The following ZNF679 variants were observed in gnomAD, a reference collection of about 807,000 sequenced individuals.
The protein encoded by ZNF679 is hypothetical protein MGC42415.
In ZNF679, 10 loss-of-function variants were observed where a neutral mutation model predicts 13.4. The ratio of observed to expected loss-of-function variants is 0.75; its 90% CI spans 0.46 to 1.27. The LOEUF is 1.27. Ranked by LOEUF, ZNF679 falls within the 50% of genes most tolerant of loss-of-function variation. The pLI, the probability that ZNF679 is intolerant of heterozygous loss-of-function variation, is 0.00. For missense variants in ZNF679, 525 were observed against 477.8 expected, an observed-to-expected ratio of 1.10 and a Z score of -0.92; for synonymous variants, 179 against 162.5, an observed-to-expected ratio of 1.10 and a Z score of -0.77.
intron 1 of ZNF679, among the ~76,000 whole-genome samples, chr7:64,235,747 C>A: frequency 6.6e-6 from 1 of 151,434 alleles, no homozygotes; most frequent in Non-Finnish European, 1.5e-5. Context: ...CGAGATCATG[C>A]CACTGCACTC....
intron 1 of ZNF679, among the ~76,000 whole-genome samples, chr7:64,232,671 T>G (rs1238665415): frequency 6.6e-6 from 1 of 152,058 alleles, no homozygotes; most frequent in African/African-American, 2.4e-5. Flanking sequence ...GTCATATTAT[T>G]TGGGTGCTGG....
At chr7:64,251,535 G>T (rs144926374) in intron 2 of ZNF679, among the ~76,000 whole-genome samples, 30 of 152,078 alleles carry the variant, frequency 2.0e-4, no homozygotes, top group African/African-American at 6.8e-4. Context: ...CTCTTCTTTT[G>T]TCTTGTTCAA....
intron 1 of ZNF679, among the ~76,000 whole-genome samples, chr7:64,235,495 CA>C (rs139370986): frequency 0.039 from 5,849 of 150,710 alleles, 193 homozygotes; most frequent in East Asian, 0.16. Flanking sequence ...ATTAGCATAA[CA>C]AAAAAAAATA....
chr7:64,240,633 A>C (rs11978020), intron 1 of ZNF679, among the ~76,000 whole-genome samples: 1 of 152,028 alleles, frequency 6.6e-6, no homozygotes, highest in Non-Finnish European at 1.5e-5. Context: ...AATCTCACAC[A>C]TAAATGCAAT....
At chr7:64,229,834 C>T (rs1166333271) in intron 1 of ZNF679, among the ~76,000 whole-genome samples, 1 of 152,076 alleles carries the variant, frequency 6.6e-6, no homozygotes, top group Non-Finnish European at 1.5e-5. Context: ...GTAAAACAGT[C>T]ATATCATCTG....
At chr7:64,231,835 C>A (rs1165433424) in intron 1 of ZNF679, among the ~76,000 whole-genome samples, 1 of 151,986 alleles carries the variant, frequency 6.6e-6, no homozygotes, top group Non-Finnish European at 1.5e-5. Context: ...TAAAAGCAGT[C>A]AGGTGCTAGG....
intron 1 of ZNF679, among the ~76,000 whole-genome samples, chr7:64,231,669 C>G (rs988377754): frequency 1.3e-5 from 2 of 151,952 alleles, no homozygotes; most frequent in Non-Finnish European, 2.9e-5. Context: ...ATAAGTTGAG[C>G]CTAGAAAGAA....
intron 2 of ZNF679, among the ~76,000 whole-genome samples, chr7:64,255,757 T>C (rs1787997238): frequency 6.6e-6 from 1 of 151,950 alleles, no homozygotes; most frequent in Non-Finnish European, 1.5e-5. Flanking sequence ...TATAGGTGCA[T>C]GCCACCACAC....
At chr7:64,264,450 G>A (rs1788118506) in intron 4 of ZNF679, among the ~76,000 whole-genome samples, 1 of 151,796 alleles carries the variant, frequency 6.6e-6, no homozygotes, top group South Asian at 2.1e-4. Context: ...TTTTGTATAT[G>A]CATATGTTTT....
intron 2 of ZNF679, among the ~76,000 whole-genome samples, chr7:64,251,277 C>A (rs530592377): frequency 6.6e-5 from 10 of 152,098 alleles, no homozygotes; most frequent in Admixed American, 2.6e-4. Flanking sequence ...CATGATGAAA[C>A]CCCATCTCTA....
chr7:64,255,647 C>T (rs529494072), intron 2 of ZNF679, among the ~76,000 whole-genome samples: 48 of 151,424 alleles, frequency 3.2e-4, no homozygotes, highest in Non-Finnish European at 5.3e-4. Flanking sequence ...CTTGCTCTGT[C>T]ACCCAGGCTG....
chr7:64,236,336 T>TA (rs1179647599), intron 1 of ZNF679, among the ~76,000 whole-genome samples: 1 of 152,146 alleles, frequency 6.6e-6, no homozygotes, highest in Non-Finnish European at 1.5e-5. Context: ...TATTTACGCT[T>TA]ACAATAAGCA....
intron 2 of ZNF679, among the ~76,000 whole-genome samples, chr7:64,257,909 G>A (rs1315754870): frequency 1.3e-5 from 2 of 152,138 alleles, no homozygotes; most frequent in African/African-American, 2.4e-5. Flanking sequence ...ACCCTTTTGG[G>A]TCCTGCAGAA....
rs149077771 is a variant in ZNF679, at chr7:64,266,298, A to G, written c.665A>G (p.Asn222Ser). 9 of 1,607,114 alleles carry G rather than the reference A, an allele frequency of 5.6e-6. No individual in the cohort carries two copies. The Admixed American group carries it at 1.5e-4, about 27-fold the overall frequency. ...YQCEECGKPF[N>S]CSSTLSKHKR... ...TGTGAAGAATGCGGCAAACCCTTCA[A>G]CTGCTCTTCAACCCTTTCTAAACAT... The change falls in exon 5 of 5, where the codon AAC becomes AGC. Residue 222 changes from asparagine to serine, a missense_variant. Physicochemically the swap from Asn to Ser is conservative, Grantham distance 46. Coordinates refer to ENST00000421025, the MANE Select transcript of ZNF679 (RefSeq NM_153363.3).
rs1218646354 is a variant in ZNF679, at chr7:64,266,062, A to C, written c.429A>C (p.Glu143Asp). The C allele has an allele frequency of 3.7e-6, 6 of 1,613,324 alleles. No individual in the cohort carries two copies. Among genetic ancestry groups the C allele is most frequent in the Admixed American group, 1.7e-5 (1 of 59,850 alleles). ...ECEVQKGGCN[E>D]VNQCLSTTQN... The stretch of plus-strand genomic sequence containing the variant: ...AGGTGCAAAAAGGAGGTTGTAATGA[A>C]GTTAACCAATGTTTGTCAACTACCC... The change falls in exon 5 of 5, where the codon GAA becomes GAC. Residue 143 changes from glutamate (E) to aspartate (D), a missense_variant. Transcript: ENST00000421025.
chr7:64,262,472 T>G (rs1788091440), intron 4 of ZNF679, among the ~76,000 whole-genome samples: 1 of 152,214 alleles, frequency 6.6e-6, no homozygotes, highest in Non-Finnish European at 1.5e-5. Context: ...TCCAAAGTAT[T>G]TTGTTTAAAA....
chr7:64,247,859 T>G (rs570790910), intron 1 of ZNF679, among the ~76,000 whole-genome samples: 1 of 74,224 alleles, frequency 1.3e-5, no homozygotes, highest in Admixed American at 1.5e-4. Flanking sequence ...CCCTACCATG[T>G]TTTTTTTTTT....
At chr7:64,237,179 C>T (rs1787738808) in intron 1 of ZNF679, among the ~76,000 whole-genome samples, 1 of 152,112 alleles carries the variant, frequency 6.6e-6, no homozygotes, top group African/African-American at 2.4e-5. Flanking sequence ...GAAAACGGGT[C>T]ACTGGTGCAG....
At position 64,236,906 on chromosome 7, in the gene ZNF679, AAAAG is replaced by A. The variant is rs1178476756; in HGVS notation, c.-91+8269_-91+8272del. On this transcript the variant is annotated intron_variant, in intron 1 of 4. Coordinates refer to ENST00000421025, the MANE Select transcript of ZNF679 (RefSeq NM_153363.3). ...AAAGAAAGAAAAAAAGAAAAAGAAAAAAAGAAAGAAAGAAAGAAGAAAGAAAGAA... is the reference window on the plus strand; with the variant it reads ...AAAGAAAGAAAAAAAGAAAAAGAAAAAAAGAAAGAAAGAAGAAAGAAAGAA... 5.2e-3 allele frequency among the ~76,000 whole-genome samples: 678 copies of A among 129,636 alleles called. 10 individuals are homozygous for A. In the East Asian group the frequency reaches 0.065, roughly 12 times the overall value. 85.0% of individuals were successfully genotyped at this position (129,636 alleles called of 152,430 possible).
Sources: gnomAD v4.1 joint callset for allele counts (sites outside exome capture counted in the v4.1 genomes callset) on GRCh38, gnomAD v4.1.1 for gene constraint, MANE v1.5 for transcripts, NCBI Gene and HGNC (gene_info 2026-07-23, HGNC 2026-07-21) for gene names.